FBXL17: variants seen among roughly 807,000 people sequenced by gnomAD.
FBXL17 encodes F-box/LRR-repeat protein 17.
Under a neutral mutation model 66.2 loss-of-function variants are expected in FBXL17, and 22 were observed. That is an observed-to-expected ratio of 0.33 (90% CI 0.24 to 0.47). The LOEUF is 0.47. FBXL17 is among the 20% of genes least tolerant of loss of function. The pLI, the probability that FBXL17 is intolerant of heterozygous loss-of-function variation, is 1.00. For missense variants in FBXL17, 878 were observed against 948.2 expected, an observed-to-expected ratio of 0.93 and a Z score of 0.97; for synonymous variants, 474 against 400.5, an observed-to-expected ratio of 1.18 and a Z score of -2.19.
chr5:108,370,815 C>T (rs929046951), intron 1 of FBXL17, among the ~76,000 whole-genome samples: 1 of 151,896 alleles, frequency 6.6e-6, no homozygotes, highest in African/African-American at 2.4e-5. Context: ...GTATTAAGCC[C>T]ACTACAGCCT....
chr5:108,381,986 T>G lies in FBXL17; in HGVS notation c.-295A>C. The G allele has an allele frequency of 8.5e-7, 1 of 1,177,502 alleles. No individual in the cohort carries two copies. The highest frequency in any genetic ancestry group is 3.7e-5 in the South Asian group (1 of 26,774). 72.9% of individuals were successfully genotyped at this position (1,177,502 alleles called of 1,614,324 possible). On this transcript the variant is annotated 5_prime_UTR_variant, in exon 1 of 9. Transcript: ENST00000542267. ...GCGAGCCTGCCGGCTAGGCGACCAG[T>G]CCGGGCCCGGCCAGCCGGCTCAGTC... is the stretch of plus-strand genomic sequence containing the variant.
intron 6 of FBXL17, among the ~76,000 whole-genome samples, chr5:108,094,056 C>G (rs1749280878): frequency 6.6e-6 from 1 of 152,080 alleles, no homozygotes; most frequent in Admixed American, 6.5e-5. Flanking sequence ...AAATCTGCAC[C>G]TCCACATAGT....
intron 7 of FBXL17, among the ~76,000 whole-genome samples, chr5:108,011,321 A>G (rs1754161219): frequency 6.6e-6 from 1 of 152,204 alleles, no homozygotes; most frequent in South Asian, 2.1e-4. Context: ...ATGGTTTGAT[A>G]CTTTAGAAGA....
At chr5:108,213,950 C>A (rs1402652938) in intron 5 of FBXL17, among the ~76,000 whole-genome samples, 2 of 152,134 alleles carry the variant, frequency 1.3e-5, no homozygotes, top group African/African-American at 4.8e-5. Flanking sequence ...TTTTCCCAAT[C>A]TGGGGCTTGT....
At chr5:108,177,606 G>A (rs1752839146) in intron 6 of FBXL17, among the ~76,000 whole-genome samples, 1 of 151,986 alleles carries the variant, frequency 6.6e-6, no homozygotes, top group Non-Finnish European at 1.5e-5. Flanking sequence ...GTCAAATCAG[G>A]ATATATGGTC....
Position 107,861,512 on chromosome 5 carries a change from T to G in FBXL17, c.*208A>C. 2.5e-6 allele frequency: 1 copy of G among 396,212 alleles called. No individual in the cohort carries two copies. 24.5% of individuals were successfully genotyped at this position (396,212 alleles called of 1,614,324 possible). A position where few individuals can be genotyped will look rare whatever the true frequency, so the allele number is the denominator to read the frequency against. ...AAAAAGTTTGTGGCTTTCATAATCT[T>G]TAATTTCTAAGAAAAAAAGCCAGCT... On this transcript the variant is annotated 3_prime_UTR_variant, in exon 9 of 9. Coordinates refer to ENST00000542267, the MANE Select transcript of FBXL17 (RefSeq NM_001163315.3).
intron 4 of FBXL17, among the ~76,000 whole-genome samples, chr5:108,233,628 T>A (rs114724644): frequency 9.5e-4 from 145 of 152,274 alleles, no homozygotes; most frequent in African/African-American, 3.4e-3. Flanking sequence ...TAAAGAACGA[T>A]CTTCTCCTTA....
At chr5:107,980,858 A>G (rs1467813084) in intron 7 of FBXL17, among the ~76,000 whole-genome samples, 8 of 148,822 alleles carry the variant, frequency 5.4e-5, no homozygotes, top group Admixed American at 4.7e-4. Flanking sequence ...GGGTTTCACC[A>G]TGGTCTCGAT....
chr5:108,062,845 T>C (rs1333064063), intron 6 of FBXL17, among the ~76,000 whole-genome samples: 3 of 152,114 alleles, frequency 2.0e-5, no homozygotes, highest in Non-Finnish European at 4.4e-5. Flanking sequence ...TTATCAGATT[T>C]CCAAAGCAGA....
At chr5:108,046,076 T>C (rs1387246131) in intron 6 of FBXL17, among the ~76,000 whole-genome samples, 2 of 152,222 alleles carry the variant, frequency 1.3e-5, no homozygotes, top group Non-Finnish European at 2.9e-5. Context: ...ACTACAACTG[T>C]AGATTTATCT....
rs1554097318 is a variant in FBXL17 at position 108,381,946 on chromosome 5, C to T, written c.-255G>A. 4.8e-6 allele frequency: 6 copies of T among 1,238,574 alleles called. No individual in the cohort carries two copies. The highest frequency in any genetic ancestry group is 6.1e-6 in the Non-Finnish European group (6 of 989,794). The allele number at this position is 1,238,574 out of a possible 1,614,324, so 76.7% of individuals were successfully genotyped here. On this transcript the variant is annotated 5_prime_UTR_variant, in exon 1 of 9. Coordinates refer to ENST00000542267, the MANE Select transcript of FBXL17 (RefSeq NM_001163315.3). ...ACGATGGGCGCGAGCTTTGGGGACG[C>T]GAGGGAGGGAGCGAGCGAGCCTGCC...
intron 6 of FBXL17, among the ~76,000 whole-genome samples, chr5:108,156,399 C>A (rs933913463): frequency 6.6e-6 from 1 of 151,828 alleles, no homozygotes; most frequent in Non-Finnish European, 1.5e-5. Flanking sequence ...TATTTGATAT[C>A]ACTAAATAAT....
intron 6 of FBXL17, among the ~76,000 whole-genome samples, chr5:108,163,391 T>TC (rs1561441730): frequency 1.1e-5 from 1 of 88,660 alleles, no homozygotes; most frequent in African/African-American, 3.4e-5. Context: ...ATGAAAACTT[T>TC]TTTTTTTCTT....
intron 7 of FBXL17, among the ~76,000 whole-genome samples, chr5:108,018,044 T>C (rs1278540335): frequency 6.6e-6 from 1 of 151,792 alleles, no homozygotes; most frequent in Non-Finnish European, 1.5e-5. Context: ...CAATGAAGCC[T>C]GTAAAAAAAA....
chr5:108,030,786 G>A (rs1746590495), intron 6 of FBXL17, among the ~76,000 whole-genome samples: 1 of 152,118 alleles, frequency 6.6e-6, no homozygotes, highest in African/African-American at 2.4e-5. Flanking sequence ...GTGGAATAAG[G>A]AAGGGGAGCA....
rs541359987 is a variant in FBXL17, at chr5:108,162,146, G to A, written c.1745+23971C>T. ...TAAATTTTAAACTATGTGAAGGTAG[G>A]AAATCCAAATGTTCTACTCACTGCT... On this transcript the variant is annotated intron_variant, in intron 6 of 8. Transcript: ENST00000542267. 4.6e-5 allele frequency among the ~76,000 whole-genome samples: 7 copies of A among 152,280 alleles called. No homozygotes were observed. The South Asian group carries it at 8.3e-4, about 18-fold the overall frequency.
At chr5:108,183,600 A>G (rs1282166924) in intron 6 of FBXL17, among the ~76,000 whole-genome samples, 1 of 152,056 alleles carries the variant, frequency 6.6e-6, no homozygotes, top group African/African-American at 2.4e-5. Flanking sequence ...CTTTAGGGGC[A>G]CAAGTAGTTT....
chr5:108,312,359 A>G (rs560746556), intron 4 of FBXL17, among the ~76,000 whole-genome samples: 62 of 152,302 alleles, frequency 4.1e-4, no homozygotes, highest in Non-Finnish European at 6.5e-4. Context: ...TCTGTTAAAA[A>G]AAAATGAATC....
At chr5:107,990,593 C>T (rs1028042976) in intron 7 of FBXL17, among the ~76,000 whole-genome samples, 9 of 152,036 alleles carry the variant, frequency 5.9e-5, no homozygotes, top group African/African-American at 2.2e-4. Context: ...ATAATAAATC[C>T]CTAGCAGAAG....
Sources: allele counts gnomAD v4.1 joint callset (sites outside exome capture counted in the v4.1 genomes callset), GRCh38; gene constraint gnomAD v4.1.1; transcripts MANE v1.5; gene names NCBI Gene and HGNC (gene_info 2026-07-23, HGNC 2026-07-21).